The following KIAA1549L variants were observed in gnomAD, a reference collection of about 807,000 sequenced individuals.
KIAA1549L encodes KIAA1549 like.
KIAA1549L carries 88 observed loss-of-function variants against 160.7 expected under a neutral mutation model. That is an observed-to-expected ratio of 0.55 (90% CI 0.46 to 0.65). The LOEUF is 0.65. Ranked by LOEUF, KIAA1549L falls within the 30% of genes least tolerant of loss-of-function variation. The pLI is 0.00. For missense variants in KIAA1549L, 2,258 were observed against 2,437.5 expected (o/e 0.93, Z 1.55); for synonymous variants, 950 against 976.7 (o/e 0.97, Z 0.51).
rs1399068761 is a variant in KIAA1549L, at chr11:33,542,939, G to A, written c.1376G>A (p.Gly459Glu). Residue 459 changes from glycine (G) to glutamate (E), a missense_variant, in exon 2 of 21, where the codon GGG becomes GAG. Gly to Glu is a moderately conservative substitution (Grantham distance 98). Coordinates refer to ENST00000658780, the MANE Select transcript of KIAA1549L (RefSeq NM_012194.3). Reference protein sequence around the residue: ...HLSAAPENSRGPALSAEHTSS... With the variant: ...HLSAAPENSREPALSAEHTSS... The stretch of plus-strand genomic sequence containing the variant: ...TCAGCAGCTCCAGAGAATTCCAGAG[G>A]GCCCGCCCTTTCGGCAGAACACACC... The A allele has an allele frequency of 1.9e-6, 3 of 1,614,062 alleles. No homozygotes were observed. The highest frequency in any genetic ancestry group is 2.5e-6 in the Non-Finnish European group (3 of 1,179,894).
chr11:33,398,445 T>G lies in KIAA1549L; in HGVS notation c.238+21556T>G, dbSNP rs143307995. Reference sequence around the variant, plus strand: ...TCTGGGCATGTGATCAGTGGATCTATCCCATAGAGCAGGAACTAGTCCAGT... The same window carrying G: ...TCTGGGCATGTGATCAGTGGATCTAGCCCATAGAGCAGGAACTAGTCCAGT... On this transcript the variant is annotated intron_variant, in intron 1 of 20. Coordinates refer to ENST00000658780, the MANE Select transcript of KIAA1549L (RefSeq NM_012194.3). Among the ~76,000 whole-genome samples the G allele has an allele frequency of 6.6e-4, 100 of 152,282 alleles. 1 individual carries two copies. The highest frequency in any genetic ancestry group is 2.2e-3 in the African/African-American group (90 of 41,562).
chr11:33,574,871 A>G lies in KIAA1549L; in HGVS notation c.4400A>G (p.Asp1467Gly). The change falls in exon 10 of 21, where the codon GAC becomes GGC. Residue 1467 changes from aspartate (D) to glycine (G), a missense_variant and splice_region_variant. Transcript: ENST00000658780. ...CATCACGTTGTCCTTCTGCAAGCTGACCGTAAGGGAATGGTCTTTTTATTC... is the reference window on the plus strand; with the variant it reads ...CATCACGTTGTCCTTCTGCAAGCTGGCCGTAAGGGAATGGTCTTTTTATTC... The part of the protein sequence containing the change: ...TLHHVVLLQA[D>G]PVVKNPPNNL... 6.2e-7 allele frequency: 1 copy of G among 1,612,014 alleles called. No homozygotes were observed. Among genetic ancestry groups the G allele is most frequent in the Non-Finnish European group, 8.5e-7 (1 of 1,178,804 alleles).
At position 33,391,355 on chromosome 11, in the gene KIAA1549L, A is replaced by G. The variant is rs116323272; in HGVS notation, c.238+14466A>G. On this transcript the variant is annotated intron_variant, in intron 1 of 20. Transcript: ENST00000658780. ...CCTCCTCCTTTGCTGTCATCATGTC[A>G]TCATGTTTCAAACCTAGGGATGCGG... Among the ~76,000 whole-genome samples, 411 of 152,250 alleles carry G rather than the reference A, an allele frequency of 2.7e-3. 1 individual carries two copies. The highest frequency in any genetic ancestry group is 9.1e-3 in the African/African-American group (376 of 41,542).
At position 33,545,015 on chromosome 11, in the gene KIAA1549L, C is replaced by G; in HGVS notation, c.3022C>G (p.Pro1008Ala). 1 of 1,614,022 alleles carries G rather than the reference C, an allele frequency of 6.2e-7. No individual in the cohort carries two copies. Among genetic ancestry groups the G allele is most frequent in the South Asian group, 1.1e-5 (1 of 91,078 alleles). Reference sequence around the variant, plus strand: ...AGTCCATACAGCCTTCCCATTCACACCAACCTACATGTATGCAAGAACAGG... The same window carrying G: ...AGTCCATACAGCCTTCCCATTCACAGCAACCTACATGTATGCAAGAACAGG... ...GAVHTAFPFT[P>A]TYMYARTGHT... is the part of the protein sequence containing the mutation. The change falls in exon 3 of 21, where the codon CCA (proline) becomes GCA (alanine). Residue 1008 changes from proline (P) to alanine (A), a missense_variant. Physicochemically the swap from Pro to Ala is conservative, Grantham distance 27. Coordinates refer to ENST00000658780, the MANE Select transcript of KIAA1549L (RefSeq NM_012194.3).
Position 33,583,457 on chromosome 11 carries a change from G to A in KIAA1549L, c.4522G>A (p.Asp1508Asn), listed in dbSNP as rs754748592. 5.7e-6 allele frequency: 9 copies of A among 1,585,282 alleles called. No homozygotes were observed. The South Asian group carries it at 6.9e-5, about 12-fold the overall frequency. Residue 1508 changes from aspartate (D) to asparagine (N), a missense_variant, in exon 11 of 21, where the codon GAC becomes AAC. This residue lies in a region of KIAA1549L where 1,359 missense variants were observed against 1,546.6 expected (regional missense o/e 0.88). Coordinates refer to ENST00000658780, the MANE Select transcript of KIAA1549L (RefSeq NM_012194.3). ...TAVLCRKNKN[D>N]FKPDTMINLP... ...CGTGCTCTGCAGGAAGAACAAGAACGACTTCAAGCCTGACACCATGATAAA... is the reference window on the plus strand; with the variant it reads ...CGTGCTCTGCAGGAAGAACAAGAACAACTTCAAGCCTGACACCATGATAAA...
At chr11:33,590,102 T>C (rs1227785020) in intron 11 of KIAA1549L, among the ~76,000 whole-genome samples, 2 of 152,246 alleles carry the variant, frequency 1.3e-5, no homozygotes, top group African/African-American at 4.8e-5. Context: ...TAGGCACTTA[T>C]CTAAATGCTG....
At chr11:33,612,351 C>CCA (rs1248878530) in intron 15 of KIAA1549L, among the ~76,000 whole-genome samples, 1 of 152,212 alleles carries the variant, frequency 6.6e-6, no homozygotes, top group Non-Finnish European at 1.5e-5. Context: ...AGTGACCAAG[C>CCA]CACAGCAGGA....
chr11:33,639,787 G>A (rs1197039323), intron 16 of KIAA1549L, among the ~76,000 whole-genome samples: 7 of 152,080 alleles, frequency 4.6e-5, no homozygotes, highest in Admixed American at 1.3e-4. Context: ...TGATCCGCCC[G>A]CCTTGGCCTC....
In KIAA1549L at chr11:33,542,585, C is replaced by A; in HGVS notation, c.1022C>A (p.Thr341Lys). The A allele has an allele frequency of 6.2e-7, 1 of 1,613,628 alleles. No individual in the cohort carries two copies. Among genetic ancestry groups the A allele is most frequent in the South Asian group, 1.1e-5 (1 of 91,078 alleles). Residue 341 changes from threonine to lysine, a missense_variant, in exon 2 of 21, where the codon ACA becomes AAA. Physicochemically the swap from Thr to Lys is moderately conservative, Grantham distance 78. Around this residue, in one of 6 missense-constraint regions of KIAA1549L, gnomAD observed 540 missense variants for 465.7 expected, o/e 1.16. Coordinates refer to ENST00000658780, the MANE Select transcript of KIAA1549L (RefSeq NM_012194.3). ...TEGPHSAGSS[T>K]PGFLSPMAEL... ...GGTCCCCATTCAGCAGGTTCATCCA[C>A]ACCTGGGTTTTTGAGCCCCATGGCA...
intron 6 of KIAA1549L, among the ~76,000 whole-genome samples, chr11:33,558,539 T>C (rs1031196312): frequency 4.6e-5 from 7 of 151,784 alleles, no homozygotes; most frequent in African/African-American, 1.2e-4. Flanking sequence ...GGCAGGAGGG[T>C]CTGGAGGGAG....
intron 17 of KIAA1549L, among the ~76,000 whole-genome samples, chr11:33,655,211 C>G (rs774711500): frequency 3.3e-5 from 5 of 152,130 alleles, no homozygotes; most frequent in Non-Finnish European, 7.4e-5. Flanking sequence ...GGTGACAGTT[C>G]TAGTCTTTTA....
rs1304490125 is a variant in KIAA1549L at position 33,422,657 on chromosome 11, C to T, written c.238+45768C>T. 2.0e-5 allele frequency among the ~76,000 whole-genome samples: 3 copies of T among 150,582 alleles called. No homozygotes were observed. The Admixed American group carries it at 2.0e-4, about 10-fold the overall frequency. On this transcript the variant is annotated intron_variant, in intron 1 of 20. Transcript: ENST00000658780. The stretch of plus-strand genomic sequence containing the variant: ...TTCTTTTAAAAATGAGATGGCAGTC[C>T]TTATATTTTGATCAACTGTAAGATG...
intron 9 of KIAA1549L, among the ~76,000 whole-genome samples, chr11:33,574,230 G>T (rs779485020): frequency 6.7e-6 from 1 of 148,388 alleles, no homozygotes. Flanking sequence ...AAGCAAAACC[G>T]TTATTTTAGA....
chr11:33,645,969 C>T lies in KIAA1549L; in HGVS notation c.5693C>T (p.Pro1898Leu). 6.2e-7 allele frequency: 1 copy of T among 1,611,896 alleles called. No individual in the cohort carries two copies. Among genetic ancestry groups the T allele is most frequent in the Non-Finnish European group, 8.5e-7 (1 of 1,179,014 alleles). ...VTSAPGTMTR[P>L]RAGVQWVPTY... ...AGCGCTCCGGGGACCATGACGCGGC[C>T]CAGGGCCGGGGTGCAGTGGGTGCCG... is the stretch of plus-strand genomic sequence containing the variant. The change falls in exon 17 of 21, where the codon CCC (proline) becomes CTC (leucine). Residue 1898 changes from proline (P) to leucine (L), a missense_variant. Pro to Leu is a moderately conservative substitution (Grantham distance 98). This residue lies in a region of KIAA1549L where 1,359 missense variants were observed against 1,546.6 expected (regional missense o/e 0.88). Transcript: ENST00000658780.
intron 1 of KIAA1549L, among the ~76,000 whole-genome samples, chr11:33,479,016 G>A (rs927207595): frequency 1.3e-5 from 2 of 152,218 alleles, no homozygotes; most frequent in African/African-American, 2.4e-5. Context: ...GTTAGTAAAT[G>A]GTAGAGCCAG....
intron 1 of KIAA1549L, among the ~76,000 whole-genome samples, chr11:33,441,612 C>G (rs962289124): frequency 5.9e-5 from 9 of 152,180 alleles, no homozygotes; most frequent in African/African-American, 2.2e-4. Context: ...GATTGCCATT[C>G]TAACTTGTGT....
chr11:33,392,535 A>G (rs1252441032), intron 1 of KIAA1549L, among the ~76,000 whole-genome samples: 2 of 152,204 alleles, frequency 1.3e-5, no homozygotes, highest in Non-Finnish European at 2.9e-5. Context: ...ACAAATGTAT[A>G]CACCTGTGTA....
rs1335731992 is a variant in KIAA1549L, at chr11:33,656,027, C to T, written c.5776C>T (p.Gln1926Ter). 2 of 1,613,746 alleles carry T rather than the reference C, an allele frequency of 1.2e-6. No homozygotes were observed. The highest frequency in any genetic ancestry group is 2.2e-5 in the East Asian group (1 of 44,890). ...TCTTTCACAGGCTTACAGGTTTTCC[C>T]AGCTTCCTGAGATGGTCATGGGCTC... Reference protein sequence around the residue: ...SLPRPAYRFSQLPEMVMGSPP... With the variant: ...SLPRPAYRFS Residue 1926 changes from glutamine (Q) to a stop codon, truncating the protein, a stop_gained, in exon 18 of 21, where the codon CAG becomes TAG. Coordinates refer to ENST00000658780, the MANE Select transcript of KIAA1549L (RefSeq NM_012194.3). LOFTEE classifies it high-confidence loss of function.
intron 16 of KIAA1549L, among the ~76,000 whole-genome samples, chr11:33,638,457 T>TAAAA (rs1851503839): frequency 5.2e-5 from 1 of 19,220 alleles, no homozygotes; most frequent in African/African-American, 6.7e-4. Context: ...AATAAATAAA[T>TAAAA]AAAATACTCA....
Sources: gnomAD v4.1 joint callset for allele counts (sites outside exome capture counted in the v4.1 genomes callset) on GRCh38, gnomAD v4.1.1 for gene constraint, gnomAD v4.1.1 regional missense constraint, MANE v1.5 for transcripts, NCBI Gene and HGNC (gene_info 2026-07-23, HGNC 2026-07-21) for gene names.